TAF13: variants seen among roughly 807,000 people sequenced by gnomAD.
TAF13 encodes the protein TATA-box binding protein associated factor 13.
A neutral mutation model predicts 18.7 loss-of-function variants in TAF13; 9 were observed. That is an observed-to-expected ratio of 0.48 (90% CI 0.29 to 0.84). The LOEUF (loss-of-function observed/expected upper bound fraction) is 0.84. Among genes scored for constraint, TAF13 ranks in the 40% least tolerant of loss-of-function variants. TAF13 has a pLI of 0.08. For synonymous variants in TAF13, 49 were observed against 44.1 expected (o/e 1.11, Z -0.44); for missense variants, 105 against 146.5 (o/e 0.72, Z 1.46).
intron 2 of TAF13, 53 bp from the exon 3 acceptor site, chr1:109,066,285 G>T: frequency 1.4e-6 from 2 of 1,415,306 alleles, no homozygotes; most frequent in South Asian, 1.3e-5. Flanking sequence ...TTAACAATTT[G>T]ATACTTTAAA....
intron 2 of TAF13, among the ~76,000 whole-genome samples, chr1:109,070,581 A>T (rs1037283541): frequency 1.3e-5 from 2 of 151,596 alleles, no homozygotes; most frequent in Non-Finnish European, 2.9e-5. Flanking sequence ...TTTATTAGAG[A>T]CGGGGTTTCG....
At chr1:109,066,829 C>T (rs907422275) in intron 2 of TAF13, among the ~76,000 whole-genome samples, 3 of 152,106 alleles carry the variant, frequency 2.0e-5, no homozygotes, top group African/African-American at 7.2e-5. Context: ...ACACCATTCT[C>T]CTGCCTCAGC....
chr1:109,068,623 C>T (rs766332116), intron 2 of TAF13, among the ~76,000 whole-genome samples: 12 of 152,076 alleles, frequency 7.9e-5, no homozygotes, highest in Non-Finnish European at 1.6e-4. Context: ...GCTAGGATTA[C>T]AGGTGTGAGC....
At chr1:109,068,792 G>A (rs901226872) in intron 2 of TAF13, among the ~76,000 whole-genome samples, 2 of 152,032 alleles carry the variant, frequency 1.3e-5, no homozygotes, top group Admixed American at 6.6e-5. Context: ...ACCTGAGGTC[G>A]GGAGTTTGAG....
At chr1:109,072,130 A>G (rs1315727994) in intron 2 of TAF13, among the ~76,000 whole-genome samples, 1 of 125,038 alleles carries the variant, frequency 8.0e-6, no homozygotes, top group Non-Finnish European at 1.7e-5. Context: ...ACATATATAT[A>G]TATATATATA....
Sources: gnomAD v4.1 joint callset for allele counts (sites outside exome capture counted in the v4.1 genomes callset) on GRCh38, gnomAD v4.1.1 for gene constraint, MANE v1.5 for transcripts, NCBI Gene and HGNC (gene_info 2026-07-23, HGNC 2026-07-21) for gene names.